The following TMEM132C variants were observed in gnomAD, a reference collection of about 807,000 sequenced individuals.
TMEM132C encodes transmembrane protein 132C.
A neutral mutation model predicts 61.4 loss-of-function variants in TMEM132C; 29 were observed. The ratio of observed to expected loss-of-function variants is 0.47; its 90% CI spans 0.35 to 0.64. The LOEUF (loss-of-function observed/expected upper bound fraction) is 0.64. Ranked by LOEUF, TMEM132C falls within the 30% of genes least tolerant of loss-of-function variation. The pLI, the probability that TMEM132C is intolerant of heterozygous loss-of-function variation, is 0.00. For missense variants in TMEM132C, 1,408 were observed against 1,476.9 expected (o/e 0.95, Z 0.76); for synonymous variants, 656 against 633.1 (o/e 1.04, Z -0.54).
At chr12:128,331,755 A>G (rs955294694) in intron 1 of TMEM132C, among the ~76,000 whole-genome samples, 4 of 152,242 alleles carry the variant, frequency 2.6e-5, no homozygotes, top group Non-Finnish European at 4.4e-5. Flanking sequence ...TCTTTCTGAT[A>G]TAATGATTGC....
At chr12:128,597,503 AGG>A (rs1209900706) in intron 3 of TMEM132C, among the ~76,000 whole-genome samples, 2 of 16,204 alleles carry the variant, frequency 1.2e-4, no homozygotes, top group Non-Finnish European at 9.6e-4. Context: ...GAAAGAAGGA[AGG>A]AAGGAAGGAA....
At chr12:128,352,693 A>G (rs1683740) in intron 1 of TMEM132C, among the ~76,000 whole-genome samples, 131,102 of 152,142 alleles carry the variant, frequency 0.86, 57,908 homozygotes, top group East Asian at 1. Context: ...CTTCAGGTAT[A>G]TAGATTTGAT....
At chr12:128,547,040 G>T (rs369698342) in intron 3 of TMEM132C, among the ~76,000 whole-genome samples, 1 of 152,196 alleles carries the variant, frequency 6.6e-6, no homozygotes, top group African/African-American at 2.4e-5. Flanking sequence ...GGGGAATGGC[G>T]TTCCTTCCCA....
chr12:128,550,658 G>A (rs1193965281), intron 3 of TMEM132C, among the ~76,000 whole-genome samples: 1 of 152,090 alleles, frequency 6.6e-6, no homozygotes, highest in Non-Finnish European at 1.5e-5. Flanking sequence ...CCCCTCTTAG[G>A]ACTTTATTTA....
chr12:128,533,515 T>C (rs1391618039), intron 2 of TMEM132C, among the ~76,000 whole-genome samples: 1 of 152,204 alleles, frequency 6.6e-6, no homozygotes, highest in African/African-American at 2.4e-5. Context: ...TGATTCCTTC[T>C]GAGGTCTGAG....
intron 1 of TMEM132C, among the ~76,000 whole-genome samples, chr12:128,329,287 A>T (rs1230761492): frequency 6.6e-6 from 1 of 151,912 alleles, no homozygotes; most frequent in East Asian, 1.9e-4. Flanking sequence ...TTCTGTTTAA[A>T]ATATATATAT....
At chr12:128,412,253 C>T (rs1188419066) in intron 1 of TMEM132C, among the ~76,000 whole-genome samples, 1 of 152,070 alleles carries the variant, frequency 6.6e-6, no homozygotes, top group South Asian at 2.1e-4. Context: ...AACATGATTC[C>T]AAAGGTCAGA....
chr12:128,470,146 T>G (rs1870898567), intron 2 of TMEM132C, among the ~76,000 whole-genome samples: 1 of 151,942 alleles, frequency 6.6e-6, no homozygotes, highest in African/African-American at 2.4e-5. Flanking sequence ...AAAGCCGGAG[T>G]GGAGCGTGGA....
chr12:128,271,666 T>C (rs1376922850), intron 1 of TMEM132C, among the ~76,000 whole-genome samples: 2 of 152,202 alleles, frequency 1.3e-5, no homozygotes, highest in Non-Finnish European at 2.9e-5. Context: ...TTTATTCAGG[T>C]CCTCTCTTCC....
chr12:128,468,803 AAAAG>A (rs1269931039), intron 2 of TMEM132C, among the ~76,000 whole-genome samples: 1 of 152,238 alleles, frequency 6.6e-6, no homozygotes, highest in Non-Finnish European at 1.5e-5. Context: ...GTATTAGAAA[AAAAG>A]AAAACACTAT....
intron 3 of TMEM132C, among the ~76,000 whole-genome samples, chr12:128,604,760 AATGG>A (rs1249655803): frequency 1.3e-5 from 2 of 151,892 alleles, no homozygotes; most frequent in African/African-American, 4.8e-5. Context: ...ATAGATAATA[AATGG>A]ATGGATGGAT....
intron 2 of TMEM132C, among the ~76,000 whole-genome samples, chr12:128,453,882 C>T (rs1469449089): frequency 6.6e-6 from 1 of 152,190 alleles, no homozygotes; most frequent in African/African-American, 2.4e-5. Context: ...CAAGCCTCAA[C>T]ATCTCAACAA....
intron 2 of TMEM132C, among the ~76,000 whole-genome samples, chr12:128,426,910 C>T (rs149349588): frequency 3.3e-5 from 5 of 152,254 alleles, no homozygotes; most frequent in East Asian, 1.9e-4. Context: ...TCTTAGTTTT[C>T]GAGTTCTCCA....
intron 6 of TMEM132C, among the ~76,000 whole-genome samples, chr12:128,694,638 C>T (rs1405434655): frequency 6.6e-6 from 1 of 152,166 alleles, no homozygotes; most frequent in Non-Finnish European, 1.5e-5. Flanking sequence ...CACCCCAGAC[C>T]ATCAGGGCTC....
chr12:128,343,196 C>A lies in TMEM132C; in HGVS notation c.86-71536C>A, dbSNP rs186442542. Among the ~76,000 whole-genome samples the A allele has an allele frequency of 1.2e-3, 188 of 152,178 alleles. 1 individual carries two copies. Among genetic ancestry groups the A allele is most frequent in the African/African-American group, 4.3e-3 (177 of 41,512 alleles). On this transcript the variant is annotated intron_variant, in intron 1 of 8. Coordinates refer to ENST00000435159, the MANE Select transcript of TMEM132C (RefSeq NM_001136103.3). ...ATCCCAGCACTTTGGGAGGCCGAGA[C>A]GGGTGGATCACGAGGTCAAGAGATT...
intron 3 of TMEM132C, among the ~76,000 whole-genome samples, chr12:128,560,315 T>A (rs1874467676): frequency 6.6e-6 from 1 of 152,158 alleles, no homozygotes; most frequent in South Asian, 2.1e-4. Context: ...CAAGCTTGGT[T>A]GTGGCCTGCA....
chr12:128,667,222 C>T (rs1004115445), intron 4 of TMEM132C, among the ~76,000 whole-genome samples: 9 of 151,914 alleles, frequency 5.9e-5, no homozygotes, highest in East Asian at 1.9e-4. Context: ...TGTGTGTGTG[C>T]GCATGTGTGC....
chr12:128,312,324 T>C (rs1222943397), intron 1 of TMEM132C, among the ~76,000 whole-genome samples: 1 of 152,188 alleles, frequency 6.6e-6, no homozygotes, highest in Non-Finnish European at 1.5e-5. Context: ...TGTTCGTTTT[T>C]TGAGACAAGG....
intron 1 of TMEM132C, among the ~76,000 whole-genome samples, chr12:128,371,793 G>T (rs1280042108): frequency 6.6e-6 from 1 of 152,080 alleles, no homozygotes; most frequent in Non-Finnish European, 1.5e-5. Flanking sequence ...TGCCCAGGTT[G>T]GTCTCAAACT....
Sources: allele counts gnomAD v4.1 joint callset (sites outside exome capture counted in the v4.1 genomes callset), GRCh38; gene constraint gnomAD v4.1.1; transcripts MANE v1.5; gene names NCBI Gene and HGNC (gene_info 2026-07-23, HGNC 2026-07-21).